The following CLTCL1 variants were observed in gnomAD, a reference collection of about 807,000 sequenced individuals.
CLTCL1 encodes clathrin heavy chain like 1, also known as clathrin heavy chain 2.
CLTCL1 carries 159 observed loss-of-function variants against 190.0 expected under a neutral mutation model. The observed-to-expected ratio is 0.84, with a 90% confidence interval of 0.74 to 0.95. The LOEUF is 0.95. Among genes scored for constraint, CLTCL1 ranks in the 40% least tolerant of loss-of-function variants. CLTCL1 has a pLI of 0.00. For synonymous variants in CLTCL1, 752 were observed against 769.6 expected (o/e 0.98, Z 0.38); for missense variants, 1,878 against 2,033.4 (o/e 0.92, Z 1.47).
chr22:19,275,289 C>G (rs1399223052), intron 2 of CLTCL1, among the ~76,000 whole-genome samples: 1 of 152,124 alleles, frequency 6.6e-6, no homozygotes, highest in Non-Finnish European at 1.5e-5. Context: ...GGAAGCACCA[C>G]TGCAGCAGGC....
intron 26 of CLTCL1, among the ~76,000 whole-genome samples, chr22:19,193,608 C>T (rs147330647): frequency 8.6e-4 from 131 of 152,352 alleles, no homozygotes; most frequent in African/African-American, 2.8e-3. Flanking sequence ...TGGTGGCTCA[C>T]GCCTGTAATC....
At chr22:19,203,055 C>G (rs781793413) in intron 22 of CLTCL1, among the ~76,000 whole-genome samples, 5 of 152,220 alleles carry the variant, frequency 3.3e-5, no homozygotes, top group Non-Finnish European at 5.9e-5. Flanking sequence ...TGGCTCACAC[C>G]TGTAATCCTA....
chr22:19,232,798 A>G (rs1555959724), intron 9 of CLTCL1, 200 bp from the exon 10 acceptor site: 3 of 739,014 alleles, frequency 4.1e-6, no homozygotes, highest in Middle Eastern at 4.0e-4. Context: ...ACAATTAACT[A>G]TACAAAGAGC....
chr22:19,240,059 G>A (rs1423015502), intron 4 of CLTCL1, among the ~76,000 whole-genome samples: 7 of 150,064 alleles, frequency 4.7e-5, no homozygotes, highest in African/African-American at 9.8e-5. Context: ...AGCGATTCTC[G>A]TGCCTCAGCC....
intron 2 of CLTCL1, among the ~76,000 whole-genome samples, chr22:19,261,173 C>T (rs535250941): frequency 2.0e-5 from 3 of 151,240 alleles, no homozygotes; most frequent in East Asian, 3.9e-4. Flanking sequence ...AGTGCAGTGG[C>T]GTAATCTTGG....
Position 19,263,785 on chromosome 22 carries a change from C to T in CLTCL1, c.251-9558G>A, listed in dbSNP as rs187016403. Reference sequence around the variant, plus strand: ...ATGCTATTTCACACTTAATAGATTACAGCATAGTATAAACATAACTTTTAT... The same window carrying T: ...ATGCTATTTCACACTTAATAGATTATAGCATAGTATAAACATAACTTTTAT... On this transcript the variant is annotated intron_variant, in intron 2 of 32. Transcript: ENST00000427926. Among the ~76,000 whole-genome samples the T allele has an allele frequency of 5.9e-5, 9 of 152,280 alleles. No homozygotes were observed. The East Asian group carries it at 1.5e-3, about 26-fold the overall frequency.
At chr22:19,186,938 A>C (rs558168200) in intron 29 of CLTCL1, among the ~76,000 whole-genome samples, 1 of 112,700 alleles carries the variant, frequency 8.9e-6, no homozygotes, top group African/African-American at 4.2e-5. Context: ...TAAATTCCTC[A>C]AATCTTTTTT....
Position 19,282,185 on chromosome 22 carries a change from C to T in CLTCL1, c.43-6355G>A, listed in dbSNP as rs369740815. ...CTCTACTAAAAACACAAAAATTAGCCAGGCATGGTGGCGTGCACCTGTAGT... is the reference window on the plus strand; with the variant it reads ...CTCTACTAAAAACACAAAAATTAGCTAGGCATGGTGGCGTGCACCTGTAGT... On this transcript the variant is annotated intron_variant, in intron 1 of 32. Coordinates refer to ENST00000427926, the MANE Select transcript of CLTCL1 (RefSeq NM_007098.4). Among the ~76,000 whole-genome samples, 38 of 149,976 alleles carry T rather than the reference C, an allele frequency of 2.5e-4. No homozygotes were observed. In the South Asian group the frequency reaches 6.6e-3, roughly 26 times the overall value.
In CLTCL1 at chr22:19,221,560, C is replaced by T. The variant is rs1481981167; in HGVS notation, c.2613G>A (p.Glu871=). 1 of 1,602,910 alleles carries T rather than the reference C, an allele frequency of 6.2e-7. No homozygotes were observed. The highest frequency in any genetic ancestry group is 8.5e-7 in the Non-Finnish European group (1 of 1,174,792). Residue 871 remains glutamate (E), a synonymous_variant, in exon 17 of 33, where the codon GAG becomes GAA. Transcript: ENST00000427926. Reference sequence around the variant, plus strand: ...CCAGTGCATTGTGAGTGGCAGGCTCCTCACAGCCTTCCTGAATCTGGGACT... The same window carrying T: ...CCAGTGCATTGTGAGTGGCAGGCTCTTCACAGCCTTCCTGAATCTGGGACT... ...WLESQIQEGC[E]EPATHNALAK...
intron 18 of CLTCL1, 31 bp downstream of exon 18, chr22:19,219,854 G>A (rs1242264397): frequency 3.1e-6 from 5 of 1,613,382 alleles, no homozygotes; most frequent in South Asian, 1.1e-5. Context: ...CAAAATGCAG[G>A]TGTGCAGACA....
intron 19 of CLTCL1, among the ~76,000 whole-genome samples, chr22:19,215,193 TAGTC>T (rs1303170454): frequency 6.6e-6 from 1 of 152,200 alleles, no homozygotes; most frequent in Non-Finnish European, 1.5e-5. Flanking sequence ...ATCCTGTCAT[TAGTC>T]AGGGTTTATG....
At chr22:19,288,951 C>T (rs544441066) in intron 1 of CLTCL1, among the ~76,000 whole-genome samples, 5 of 152,296 alleles carry the variant, frequency 3.3e-5, no homozygotes, top group Admixed American at 1.3e-4. Flanking sequence ...ACAGAAGATG[C>T]GTGTGGTGTG....
chr22:19,184,523 G>A (rs2084248542), intron 29 of CLTCL1: 1 of 455,954 alleles, frequency 2.2e-6, no homozygotes, highest in Non-Finnish European at 4.4e-6. Context: ...GCTGCCTCCT[G>A]ACCCACACTG....
chr22:19,256,475 G>GC (rs1187381289), intron 2 of CLTCL1, among the ~76,000 whole-genome samples: 1 of 146,920 alleles, frequency 6.8e-6, no homozygotes, highest in Non-Finnish European at 1.5e-5. Flanking sequence ...TCCTGCCTCA[G>GC]CCCCCCGAGT....
At chr22:19,222,977 C>T (rs1405239823) in intron 14 of CLTCL1, among the ~76,000 whole-genome samples, 168 bp from the exon 15 acceptor site, 2 of 152,168 alleles carry the variant, frequency 1.3e-5, no homozygotes, top group Non-Finnish European at 2.9e-5. Context: ...ATGGCATTTG[C>T]TTTGGGAAAT....
At chr22:19,223,866 G>C (rs782266102) in intron 14 of CLTCL1, 25 bp downstream of exon 14, 1 of 1,612,246 alleles carries the variant, frequency 6.2e-7, no homozygotes. Context: ...GGCAGCTCAT[G>C]GAAGGAGGCA....
At chr22:19,217,300 G>A (rs1436144633) in intron 18 of CLTCL1, among the ~76,000 whole-genome samples, 1 of 152,150 alleles carries the variant, frequency 6.6e-6, no homozygotes, top group Non-Finnish European at 1.5e-5. Context: ...ACTTCCAACA[G>A]TGACATCTAA....
intron 1 of CLTCL1, among the ~76,000 whole-genome samples, chr22:19,289,851 G>C (rs1049714473): frequency 2.0e-5 from 3 of 152,184 alleles, no homozygotes; most frequent in African/African-American, 7.2e-5. Flanking sequence ...CCCAGTTATG[G>C]CTTCAGTTTT....
intron 1 of CLTCL1, among the ~76,000 whole-genome samples, chr22:19,278,771 T>A (rs1234001159): frequency 1.3e-5 from 2 of 152,214 alleles, no homozygotes; most frequent in South Asian, 4.1e-4. Context: ...AGACGGAGTC[T>A]AGCCCTGTCC....
Sources: allele counts gnomAD v4.1 joint callset (sites outside exome capture counted in the v4.1 genomes callset), GRCh38; gene constraint gnomAD v4.1.1; transcripts MANE v1.5; gene names NCBI Gene and HGNC (gene_info 2026-07-23, HGNC 2026-07-21).